The following SRSF12 variants were observed in gnomAD, a reference collection of about 807,000 sequenced individuals.
The protein encoded by SRSF12 is serine and arginine rich splicing factor 12.
SRSF12 carries 21 observed loss-of-function variants against 34.1 expected under a neutral mutation model. The ratio of observed to expected loss-of-function variants is 0.62; its 90% CI spans 0.44 to 0.89. The LOEUF (loss-of-function observed/expected upper bound fraction) is 0.89. Ranked by LOEUF, SRSF12 falls within the 40% of genes least tolerant of loss-of-function variation. The pLI is 0.00. For synonymous variants in SRSF12, 111 were observed against 110.8 expected (o/e 1.00, Z -0.01); for missense variants, 278 against 327.8 (o/e 0.85, Z 1.17).
intron 1 of SRSF12, among the ~76,000 whole-genome samples, chr6:89,110,444 G>A (rs1165812734): frequency 1.3e-5 from 2 of 152,178 alleles, no homozygotes; most frequent in Non-Finnish European, 1.5e-5. Flanking sequence ...CCACCAGTCT[G>A]GTGGAGGGAG....
intron 2 of SRSF12, chr6:89,106,720 T>C (rs1391918023): frequency 7.0e-6 from 2 of 287,622 alleles, no homozygotes; most frequent in African/African-American, 4.3e-5. Context: ...CTTTACTCTT[T>C]AAGGCTTGCA....
rs1768830049 is a variant in SRSF12 at position 89,107,159 on chromosome 6, A to G, written c.165T>C (p.Tyr55=). 6.2e-7 allele frequency: 1 copy of G among 1,613,820 alleles called. No individual in the cohort carries two copies. Among genetic ancestry groups the G allele is most frequent in the South Asian group, 1.1e-5 (1 of 91,080 alleles). Residue 55 remains tyrosine (Y), a synonymous_variant, in exon 2 of 5, where the codon TAT becomes TAC. Transcript: ENST00000452027. Reference sequence around the variant, plus strand: ...CACAATAAAATAAAGGATATTGAACATAAGCAAATCCTCTTGGGCGGCGAG... The same window carrying G: ...CACAATAAAATAAAGGATATTGAACGTAAGCAAATCCTCTTGGGCGGCGAG... ...FYTRRPRGFA[Y]VQFEDVRDAE...
intron 1 of SRSF12, among the ~76,000 whole-genome samples, chr6:89,114,299 A>C (rs1370544631): frequency 6.6e-6 from 1 of 152,102 alleles, no homozygotes; most frequent in Non-Finnish European, 1.5e-5. Context: ...ATGGTGGCAC[A>C]CATCTGTAAT....
At chr6:89,117,605 C>T (rs1769368787) in intron 1 of SRSF12, among the ~76,000 whole-genome samples, 1 of 152,160 alleles carries the variant, frequency 6.6e-6, no homozygotes, top group Non-Finnish European at 1.5e-5. Context: ...GTGCGCGGCG[C>T]CGGGGCTGAA....
chr6:89,116,537 G>C (rs1024674057), intron 1 of SRSF12, among the ~76,000 whole-genome samples: 5 of 152,136 alleles, frequency 3.3e-5, no homozygotes, highest in African/African-American at 4.8e-5. Flanking sequence ...CGCTTTGGGA[G>C]GCCGAGCTGG....
chr6:89,117,688 A>G (rs567858994), intron 1 of SRSF12, 135 bp downstream of exon 1: 1 of 842,888 alleles, frequency 1.2e-6, no homozygotes, highest in Non-Finnish European at 1.7e-6. Flanking sequence ...CACCTCCCCA[A>G]GTGGCGCAGC....
At chr6:89,109,146 G>GTAC (rs1382258077) in intron 1 of SRSF12, among the ~76,000 whole-genome samples, 3 of 152,128 alleles carry the variant, frequency 2.0e-5, no homozygotes, top group Non-Finnish European at 2.9e-5. Context: ...CCTCTCCTGA[G>GTAC]TACTGTAATC....
intron 4 of SRSF12, among the ~76,000 whole-genome samples, chr6:89,099,446 ATATATGTGTG>A (rs1363798118): frequency 1.1e-5 from 1 of 92,094 alleles, no homozygotes; most frequent in African/African-American, 3.5e-5. Context: ...ATATACACAT[ATATATGTGTG>A]TATATATGTG....
At chr6:89,107,405 G>A in intron 1 of SRSF12, 147 bp from the exon 2 acceptor site, 1 of 634,760 alleles carries the variant, frequency 1.6e-6, no homozygotes, top group East Asian at 2.8e-5. Flanking sequence ...ATCATGCAAG[G>A]TTTTGAAAGA....
Position 89,105,167 on chromosome 6 carries a change from C to A in SRSF12, c.368G>T (p.Arg123Ile). ...RSPSQRRTRS[R>I]SSSWGRNRRR... Reference sequence around the variant, plus strand: ...CCTATTTCTTCCCCATGAAGAACTTCTACTTCGAGTTCTTCTTTGGCTGGG... The same window carrying A: ...CCTATTTCTTCCCCATGAAGAACTTATACTTCGAGTTCTTCTTTGGCTGGG... Residue 123 changes from arginine to isoleucine, a missense_variant, in exon 4 of 5, where the codon AGA becomes ATA. Physicochemically the swap from Arg to Ile is moderately conservative, Grantham distance 97. Coordinates refer to ENST00000452027, the MANE Select transcript of SRSF12 (RefSeq NM_080743.5). 2 of 1,612,604 alleles carry A rather than the reference C, an allele frequency of 1.2e-6. No homozygotes were observed. Among genetic ancestry groups the A allele is most frequent in the Non-Finnish European group, 8.5e-7 (1 of 1,179,208 alleles).
chr6:89,103,431 C>G (rs1582257710), intron 4 of SRSF12, among the ~76,000 whole-genome samples: 1 of 151,750 alleles, frequency 6.6e-6, no homozygotes, highest in African/African-American at 2.4e-5. Context: ...CAGGTTCAAG[C>G]GATTCTCCTG....
intron 4 of SRSF12, among the ~76,000 whole-genome samples, chr6:89,099,498 A>G (rs532451677): frequency 1.8e-4 from 20 of 111,280 alleles, no homozygotes; most frequent in South Asian, 1.2e-3. Context: ...GTATATATAT[A>G]TGTGTGTATA....
Position 89,098,579 on chromosome 6 carries a change from C to A in SRSF12, c.785G>T (p.Ter262LeuextTer11). ...GCGTGGTGCTCTTTCTGTTGCTGTT[C>A]ACCAACTGTTTTTATGACGATAACT... is the stretch of plus-strand genomic sequence containing the variant. Reference protein sequence around the residue: ...SRSYRHKNSW* With the variant: ...SRSYRHKNSWL The change falls in exon 5 of 5, where the codon TGA becomes TTA. Residue 262 changes from the stop codon to leucine, a stop_lost. Coordinates refer to ENST00000452027, the MANE Select transcript of SRSF12 (RefSeq NM_080743.5). 1.2e-6 allele frequency: 2 copies of A among 1,605,976 alleles called. No homozygotes were observed. The highest frequency in any genetic ancestry group is 2.2e-5 in the South Asian group (2 of 90,270).
At chr6:89,101,498 G>C (rs930345233) in intron 4 of SRSF12, among the ~76,000 whole-genome samples, 14 of 152,134 alleles carry the variant, frequency 9.2e-5, no homozygotes, top group African/African-American at 3.4e-4. Flanking sequence ...GAGGCAGGTG[G>C]ATCACCTGAG....
chr6:89,117,702 G>T, intron 1 of SRSF12, 121 bp downstream of exon 1: 1 of 1,007,428 alleles, frequency 9.9e-7, no homozygotes, highest in Non-Finnish European at 1.3e-6. Context: ...GCGCAGCCTG[G>T]GCCCGCGGGG....
chr6:89,113,340 A>G (rs937066188), intron 1 of SRSF12, among the ~76,000 whole-genome samples: 1 of 151,978 alleles, frequency 6.6e-6, no homozygotes, highest in African/African-American at 2.4e-5. Flanking sequence ...CGCCCAGCTA[A>G]TTTTTATATT....
intron 4 of SRSF12, among the ~76,000 whole-genome samples, chr6:89,100,961 C>T (rs977848567): frequency 1.3e-5 from 2 of 151,964 alleles, no homozygotes; most frequent in East Asian, 1.9e-4. Flanking sequence ...AAAAATTAGC[C>T]TGGCATGGTG....
At chr6:89,102,940 T>A (rs1248326298) in intron 4 of SRSF12, among the ~76,000 whole-genome samples, 1 of 152,070 alleles carries the variant, frequency 6.6e-6, no homozygotes, top group East Asian at 1.9e-4. Flanking sequence ...TTTTTTTTAG[T>A]TTTTGTAGAC....
intron 4 of SRSF12, among the ~76,000 whole-genome samples, chr6:89,103,938 T>C (rs1189314972): frequency 6.6e-5 from 10 of 152,014 alleles, no homozygotes; most frequent in Admixed American, 2.0e-4. Flanking sequence ...ATAAGTAAAT[T>C]GATTTACATT....
Sources: allele counts gnomAD v4.1 joint callset (sites outside exome capture counted in the v4.1 genomes callset), GRCh38; gene constraint gnomAD v4.1.1; transcripts MANE v1.5; gene names NCBI Gene and HGNC (gene_info 2026-07-23, HGNC 2026-07-21).